Variants in NCOA2 observed in about 807,000 individuals in gnomAD.
The protein encoded by NCOA2 is class E basic helix-loop-helix protein 75.
In NCOA2, 21 loss-of-function variants were observed where a neutral mutation model predicts 145.1. The observed-to-expected ratio is 0.14, with a 90% CI of 0.10 to 0.21. NCOA2 has a LOEUF of 0.21. NCOA2 is among the 10% of genes least tolerant of loss of function. The pLI is 1.00. For missense variants in NCOA2, 1,472 were observed against 1,837.6 expected (o/e 0.80, Z 3.64); for synonymous variants, 619 against 637.5 (o/e 0.97, Z 0.44).
intron 1 of NCOA2, among the ~76,000 whole-genome samples, chr8:70,366,351 C>T (rs6986140): frequency 0.36 from 55,244 of 151,932 alleles, 12,094 homozygotes; most frequent in East Asian, 0.7. Context: ...CACAAAGCTT[C>T]TCTAGCAGGC....
chr8:70,421,598 T>C, the NCOA2 span, among the ~76,000 whole-genome samples: 2 of 149,456 alleles, frequency 1.3e-5, no homozygotes, highest in Non-Finnish European at 2.9e-5. Flanking sequence ...GTCTATACGA[T>C]AATAATTCCG....
chr8:70,393,751 A>C (rs1813413421), intron 1 of NCOA2, among the ~76,000 whole-genome samples: 1 of 152,206 alleles, frequency 6.6e-6, no homozygotes, highest in African/African-American at 2.4e-5. Flanking sequence ...CTTCTCCGCT[A>C]AATGTGTTTT....
At chr8:70,215,465 G>T (rs915136932) in intron 3 of NCOA2, among the ~76,000 whole-genome samples, 1 of 152,156 alleles carries the variant, frequency 6.6e-6, no homozygotes, top group African/African-American at 2.4e-5. Flanking sequence ...GGAAGTAGTA[G>T]GGAACCTAGA....
the NCOA2 span, among the ~76,000 whole-genome samples, chr8:70,413,953 A>T: frequency 6.6e-6 from 1 of 152,122 alleles, no homozygotes; most frequent in East Asian, 1.9e-4. Context: ...TTAATGTCCA[A>T]GCTCTTAAAC....
chr8:70,273,367 C>T (rs964637225), intron 2 of NCOA2: 7 of 667,334 alleles, frequency 1.0e-5, no homozygotes, highest in African/African-American at 3.7e-5. Context: ...TTATCCGCTG[C>T]GACAAGATGA....
At chr8:70,131,331 T>C (rs1487660030) in intron 16 of NCOA2, among the ~76,000 whole-genome samples, 5 of 152,190 alleles carry the variant, frequency 3.3e-5, no homozygotes, top group Non-Finnish European at 2.9e-5. Flanking sequence ...TTTTTAAAGG[T>C]AAAAATGATG....
At chr8:70,285,334 A>T (rs1047817984) in intron 2 of NCOA2, among the ~76,000 whole-genome samples, 5 of 152,240 alleles carry the variant, frequency 3.3e-5, no homozygotes, top group African/African-American at 1.2e-4. Context: ...GGTTTAGAAC[A>T]CAGCATCCAC....
At chr8:70,198,123 CTTA>C (rs1194433505) in intron 4 of NCOA2, among the ~76,000 whole-genome samples, 1 of 152,002 alleles carries the variant, frequency 6.6e-6, no homozygotes, top group Non-Finnish European at 1.5e-5. Context: ...TGTATAAATG[CTTA>C]TTAAGTATCT....
At chr8:70,138,467 T>C in intron 14 of NCOA2, 135 bp from the exon 15 acceptor site, 1 of 849,184 alleles carries the variant, frequency 1.2e-6, no homozygotes, top group Non-Finnish European at 1.7e-6. Flanking sequence ...TAGGTGAATA[T>C]AAGAAGATAA....
rs369010206 is a variant in NCOA2 at position 70,382,609 on chromosome 8, T to C, written c.-77+21091A>G. ...CAGAAGAACCAGGGAGGGAAGCTAG[T>C]AGATATCTATTTTGAATGAAAATTA... On this transcript the variant is annotated intron_variant, in intron 1 of 22. Transcript: ENST00000452400. 2.3e-4 allele frequency among the ~76,000 whole-genome samples: 35 copies of C among 152,322 alleles called. No homozygotes were observed. The East Asian group carries it at 2.5e-3, about 11-fold the overall frequency.
At position 70,159,243 on chromosome 8, in the gene NCOA2, T is replaced by TATATATATATATATATATATATATA. The variant is rs869045939; in HGVS notation, c.1124+261_1124+262insTATATATATATATATATATATATAT. ...AACATTATATATATATATATATATA[T>TATATATATATATATATATATATATA]TTTTTTTTTTTTCCCCCAAATATTT... On this transcript the variant is annotated intron_variant, in intron 10 of 22. Transcript: ENST00000452400. Among the ~76,000 whole-genome samples, 40 of 82,032 alleles carry TATATATATATATATATATATATATA rather than the reference T, an allele frequency of 4.9e-4. 6 individuals are homozygous for TATATATATATATATATATATATATA. Among genetic ancestry groups the TATATATATATATATATATATATATA allele is most frequent in the Admixed American group, 7.3e-4 (5 of 6,828 alleles). 53.8% of individuals were successfully genotyped at this position (82,032 alleles called of 152,430 possible).
At chr8:70,345,433 G>A (rs1808522293) in intron 1 of NCOA2, among the ~76,000 whole-genome samples, 1 of 152,132 alleles carries the variant, frequency 6.6e-6, no homozygotes, top group African/African-American at 2.4e-5. Flanking sequence ...CTCTTCACAA[G>A]GGGTCTGAGG....
At chr8:70,270,913 A>C (rs1824996700) in intron 2 of NCOA2, among the ~76,000 whole-genome samples, 1 of 152,218 alleles carries the variant, frequency 6.6e-6, no homozygotes, top group Non-Finnish European at 1.5e-5. Context: ...ATTTATTTTG[A>C]ACACATACCT....
intron 2 of NCOA2, among the ~76,000 whole-genome samples, chr8:70,287,862 G>A (rs1826352135): frequency 6.6e-6 from 1 of 152,134 alleles, no homozygotes; most frequent in Admixed American, 6.6e-5. Context: ...TACCTATAAT[G>A]ACAAAGTCAG....
intron 21 of NCOA2, 145 bp from the exon 22 acceptor site, chr8:70,121,536 C>A: frequency 1.6e-6 from 1 of 621,508 alleles, no homozygotes; most frequent in African/African-American, 1.8e-5. Flanking sequence ...TCATCCTACA[C>A]AAGCTCTCCC....
the NCOA2 span, chr8:70,424,055 A>G: frequency 6.3e-6 from 1 of 158,202 alleles, no homozygotes; most frequent in Non-Finnish European, 1.4e-5. Flanking sequence ...TAGAGCAGGG[A>G]GCAGCAAACT....
At chr8:70,322,420 C>G (rs1161259920) in intron 1 of NCOA2, among the ~76,000 whole-genome samples, 1 of 152,064 alleles carries the variant, frequency 6.6e-6, no homozygotes, top group Non-Finnish European at 1.5e-5. Context: ...TCTATATAAG[C>G]AAGAACCAAT....
the NCOA2 span, among the ~76,000 whole-genome samples, chr8:70,424,922 G>A: frequency 6.6e-6 from 1 of 152,130 alleles, no homozygotes; most frequent in Admixed American, 6.6e-5. Flanking sequence ...TTTGCCAAGT[G>A]CCCCACCTCC....
chr8:70,250,370 T>C (rs1162723655), intron 2 of NCOA2, among the ~76,000 whole-genome samples: 1 of 123,922 alleles, frequency 8.1e-6, no homozygotes, highest in Non-Finnish European at 1.6e-5. Flanking sequence ...TCCAGCCTGG[T>C]TGACAGAGTG....
Sources: gnomAD v4.1 joint callset for allele counts (sites outside exome capture counted in the v4.1 genomes callset) on GRCh38, gnomAD v4.1.1 for gene constraint, MANE v1.5 for transcripts, NCBI Gene and HGNC (gene_info 2026-07-23, HGNC 2026-07-21) for gene names.